Variants in ANKRD35 observed in about 807,000 individuals in gnomAD.
ANKRD35 encodes the protein ankyrin repeat domain 35, also known as ankyrin repeat domain-containing protein 35.
In ANKRD35, 102 loss-of-function variants were observed where a neutral mutation model predicts 109.9. The ratio of observed to expected loss-of-function variants is 0.93; its 90% CI spans 0.79 to 1.09. ANKRD35 has a LOEUF of 1.09. Ranked by LOEUF, ANKRD35 falls within the 50% of genes least tolerant of loss-of-function variation. The pLI is 0.00. For missense variants in ANKRD35, 1,240 were observed against 1,230.1 expected, an observed-to-expected ratio of 1.01 and a Z score of -0.12; for synonymous variants, 515 against 512.4, an observed-to-expected ratio of 1.01 and a Z score of -0.07.
At chr1:145,885,652 G>C (rs1273220761) in intron 1 of ANKRD35, 68 bp downstream of exon 1, 1 of 1,527,444 alleles carries the variant, frequency 6.5e-7, no homozygotes, top group African/African-American at 1.4e-5. Flanking sequence ...ATTGAGACGG[G>C]ACTAAAGACT....
chr1:145,879,307 A>G lies in ANKRD35; in HGVS notation c.121T>C (p.Ser41Pro). 1 of 1,611,620 alleles carries G rather than the reference A, an allele frequency of 6.2e-7. No homozygotes were observed. Among genetic ancestry groups the G allele is most frequent in the Non-Finnish European group, 8.5e-7 (1 of 1,179,020 alleles). The change falls in exon 2 of 14, where the codon TCC (serine) becomes CCC (proline). Residue 41 changes from serine to proline, a missense_variant. Transcript: ENST00000355594. ...GDVGRVAALA[S>P]RKSARPTKLD... is the part of the protein sequence containing the mutation. ...TTGGTGGGTCGGGCAGATTTCCTGG[A>G]GGCCAGGGCAGCCACGCGTCCCACA... is the stretch of plus-strand genomic sequence containing the variant.
intron 1 of ANKRD35, among the ~76,000 whole-genome samples, chr1:145,884,895 G>C (rs1252586320): frequency 2.0e-5 from 3 of 152,200 alleles, no homozygotes. Flanking sequence ...GGTGGACTCT[G>C]CAGGCAACTC....
At chr1:145,877,289 G>A (rs2101712827) in intron 4 of ANKRD35, among the ~76,000 whole-genome samples, 1 of 150,016 alleles carries the variant, frequency 6.7e-6, no homozygotes, top group East Asian at 2.0e-4. Context: ...CTGGAGTGCA[G>A]TGGTGCGATC....
rs913521951 is a variant in ANKRD35, at chr1:145,876,855, C to A, written c.343G>T (p.Ala115Ser). Residue 115 changes from alanine to serine, a missense_variant, in exon 5 of 14, where the codon GCT becomes TCT. Transcript: ENST00000355594. ...VLLQHGANED[A>S]VDAENRSPLH... The stretch of plus-strand genomic sequence containing the variant: ...GGACTACGGTTTTCTGCATCCACAG[C>A]ATCTTCATTAGCACCATGCTGCAAA... 3.1e-6 allele frequency: 5 copies of A among 1,613,970 alleles called. No homozygotes were observed. In the East Asian group the frequency reaches 1.1e-4, roughly 36 times the overall value.
At chr1:145,879,916 C>T (rs56817144) in intron 1 of ANKRD35, among the ~76,000 whole-genome samples, 9 of 152,158 alleles carry the variant, frequency 5.9e-5, no homozygotes, top group Admixed American at 5.2e-4. Flanking sequence ...GTTCCAATAC[C>T]TAACCATTCC....
At chr1:145,877,216 G>C (rs1160871799) in intron 4 of ANKRD35, among the ~76,000 whole-genome samples, 1 of 151,426 alleles carries the variant, frequency 6.6e-6, no homozygotes, top group Non-Finnish European at 1.5e-5. Context: ...TTGCCTGATG[G>C]CCGGTTAAGA....
At chr1:145,871,133 C>CTTTCT (rs1653795477) in intron 10 of ANKRD35, among the ~76,000 whole-genome samples, 1 of 106,918 alleles carries the variant, frequency 9.4e-6, no homozygotes, top group African/African-American at 3.3e-5. Context: ...TTCTTTCTTT[C>CTTTCT]TTTCTTTCTT....
At chr1:145,870,744 G>T (rs1386069018) in intron 10 of ANKRD35, among the ~76,000 whole-genome samples, 3 of 151,922 alleles carry the variant, frequency 2.0e-5, no homozygotes, top group Non-Finnish European at 4.4e-5. Flanking sequence ...GGAGAAGGAG[G>T]AGTCTCGCTC....
intron 10 of ANKRD35, among the ~76,000 whole-genome samples, chr1:145,871,287 C>T (rs1456051076): frequency 6.7e-6 from 1 of 150,050 alleles, no homozygotes; most frequent in Non-Finnish European, 1.5e-5. Flanking sequence ...CCTCAGCCTC[C>T]TGAGTAGCTG....
intron 1 of ANKRD35, among the ~76,000 whole-genome samples, chr1:145,884,079 C>T (rs1654394354): frequency 1.3e-5 from 2 of 152,294 alleles, no homozygotes; most frequent in South Asian, 4.1e-4. Flanking sequence ...AAAGGAGGTA[C>T]TGCCCAAGGA....
chr1:145,883,937 A>C (rs1030141795), intron 1 of ANKRD35, among the ~76,000 whole-genome samples: 2 of 152,218 alleles, frequency 1.3e-5, no homozygotes, highest in Non-Finnish European at 2.9e-5. Flanking sequence ...CATTATAGTA[A>C]GATCTTGTTA....
In ANKRD35 at chr1:145,874,186, C is replaced by T; in HGVS notation, c.752G>A (p.Arg251Lys). 6.2e-7 allele frequency: 1 copy of T among 1,614,002 alleles called. No homozygotes were observed. The highest frequency in any genetic ancestry group is 8.5e-7 in the Non-Finnish European group (1 of 1,179,916). The stretch of plus-strand genomic sequence containing the variant: ...TGCGAGATCTGGGTGCTGGACTAGC[C>T]TCTGACCTATAAGAAAAGATATGAG... ...ALSRRRRGGQ[R>K]LVQHPDLASQ... The change falls in exon 9 of 14, where the codon AGG becomes AAG. Residue 251 changes from arginine (R) to lysine (K), a missense_variant. By Grantham distance (26) the Arg-to-Lys change is conservative. Transcript: ENST00000355594.
rs587725242 is a variant in ANKRD35, at chr1:145,876,982, T to C, written c.325-109A>G. On this transcript the variant is annotated intron_variant, in intron 4 of 13. Coordinates refer to ENST00000355594, the MANE Select transcript of ANKRD35 (RefSeq NM_144698.5). ...TGGTAATATGAGGAGGGGCAGGAGG[T>C]CCACTTTGGAGAAGGCTATCTACTA... is the stretch of plus-strand genomic sequence containing the variant. The C allele has an allele frequency of 8.9e-5, 103 of 1,153,412 alleles. 1 individual carries two copies. In the South Asian group the frequency reaches 1.4e-3, roughly 16 times the overall value. 71.4% of individuals were successfully genotyped at this position (1,153,412 alleles called of 1,614,324 possible).
At chr1:145,885,560 T>A (rs1654446012) in intron 1 of ANKRD35, among the ~76,000 whole-genome samples, 160 bp downstream of exon 1, 1 of 150,054 alleles carries the variant, frequency 6.7e-6, no homozygotes, top group Non-Finnish European at 1.5e-5. Flanking sequence ...CAGGGCAGGG[T>A]CTTGAGGAAG....
rs1303045784 is a variant in ANKRD35, at chr1:145,877,818, A to C, written c.324+150T>G. ...GGTGCCTGCACATAGTAGTTAAATA[A>C]ATGTTGGCAAACAAATGATTATCAG... is the stretch of plus-strand genomic sequence containing the variant. On this transcript the variant is annotated intron_variant, in intron 4 of 13. Transcript: ENST00000355594. 80 of 714,764 alleles carry C rather than the reference A, an allele frequency of 1.1e-4. 1 individual carries two copies. Among genetic ancestry groups the C allele is most frequent in the South Asian group, 9.3e-4 (53 of 56,774 alleles). The allele number at this position is 714,764 out of a possible 1,614,324, so 44.3% of individuals were successfully genotyped here. A position where few individuals can be genotyped will look rare whatever the true frequency, so the allele number is the denominator to read the frequency against.
intron 10 of ANKRD35, 93 bp downstream of exon 10, chr1:145,871,889 T>G (rs782108231): frequency 1.1e-5 from 16 of 1,497,006 alleles, no homozygotes; most frequent in African/African-American, 2.8e-5. Flanking sequence ...TCTGACCCAC[T>G]GCTGCAATAA....
chr1:145,880,836 C>T (rs1185025252), intron 1 of ANKRD35, among the ~76,000 whole-genome samples: 2 of 152,210 alleles, frequency 1.3e-5, no homozygotes, highest in African/African-American at 4.8e-5. Context: ...GTTGTAACTT[C>T]TCACAGTCCT....
In ANKRD35 at chr1:145,873,351, A is replaced by G; in HGVS notation, c.1418T>C (p.Val473Ala). The G allele has an allele frequency of 2.5e-6, 4 of 1,613,714 alleles. No homozygotes were observed. The highest frequency in any genetic ancestry group is 3.4e-6 in the Non-Finnish European group (4 of 1,179,920). Residue 473 changes from valine (V) to alanine (A), a missense_variant, in exon 10 of 14, where the codon GTT (valine) becomes GCT (alanine). By Grantham distance (64) the Val-to-Ala change is moderately conservative. Transcript: ENST00000355594. The part of the protein sequence containing the change: ...GQKESSQVLG[V>A]EPGGTVAEPV... ...TTCAGCCACTGTGCCTCCTGGTTCAACTCCTAGAACCTGGGAACTCTCCTT... is the reference window on the plus strand; with the variant it reads ...TTCAGCCACTGTGCCTCCTGGTTCAGCTCCTAGAACCTGGGAACTCTCCTT...
At chr1:145,870,521 T>A (rs1353819131) in intron 10 of ANKRD35, among the ~76,000 whole-genome samples, 3 of 152,224 alleles carry the variant, frequency 2.0e-5, no homozygotes, top group African/African-American at 7.2e-5. Context: ...CAGACAATCT[T>A]GGTCCAGAGA....
Sources: allele counts gnomAD v4.1 joint callset (sites outside exome capture counted in the v4.1 genomes callset), GRCh38; gene constraint gnomAD v4.1.1; transcripts MANE v1.5; gene names NCBI Gene and HGNC (gene_info 2026-07-23, HGNC 2026-07-21).